SHISA9: variants seen among roughly 807,000 people sequenced by gnomAD.
The protein encoded by SHISA9 is protein shisa-9.
In SHISA9, 13 loss-of-function variants were observed where a neutral mutation model predicts 38.0. That is an observed-to-expected ratio of 0.34 (90% CI 0.22 to 0.54). The LOEUF is 0.54. Among genes scored for constraint, SHISA9 ranks in the 20% least tolerant of loss-of-function variants. SHISA9 has a pLI of 0.91. For missense variants in SHISA9, 538 were observed against 575.8 expected, an observed-to-expected ratio of 0.93 and a Z score of 0.67; for synonymous variants, 275 against 242.0, an observed-to-expected ratio of 1.14 and a Z score of -1.27.
the SHISA9 span, among the ~76,000 whole-genome samples, chr16:13,415,773 A>T: frequency 6.6e-6 from 1 of 151,124 alleles, no homozygotes; most frequent in Non-Finnish European, 1.5e-5. Context: ...AAATCTAAAG[A>T]TTTGATTTAA....
intron 2 of SHISA9, among the ~76,000 whole-genome samples, chr16:12,936,940 G>T (rs1380983541): frequency 1.3e-5 from 2 of 152,084 alleles, no homozygotes; most frequent in African/African-American, 2.4e-5. Flanking sequence ...GAGGGCGGTG[G>T]GGTTTGTGTA....
At chr16:13,409,528 G>A in the SHISA9 span, among the ~76,000 whole-genome samples, 1 of 152,222 alleles carries the variant, frequency 6.6e-6, no homozygotes, top group African/African-American at 2.4e-5. Context: ...GAGCAGTGGT[G>A]GTGACCCCAC....
chr16:12,984,122 G>T (rs745908137), intron 2 of SHISA9, among the ~76,000 whole-genome samples: 37 of 152,088 alleles, frequency 2.4e-4, no homozygotes, highest in Non-Finnish European at 5.9e-5. Flanking sequence ...CAGCCCAGGG[G>T]CCCCTGGCCT....
At chr16:13,525,260 T>C in the SHISA9 span, among the ~76,000 whole-genome samples, 1 of 152,162 alleles carries the variant, frequency 6.6e-6, no homozygotes, top group Admixed American at 6.5e-5. Context: ...CACATATTAT[T>C]AATCCTGGAA....
the SHISA9 span, among the ~76,000 whole-genome samples, chr16:13,291,976 C>T: frequency 6.6e-6 from 1 of 151,954 alleles, no homozygotes. Flanking sequence ...ATTGTATTCC[C>T]TTTCTTTGGA....
the SHISA9 span, among the ~76,000 whole-genome samples, chr16:13,302,268 A>G: frequency 1.3e-5 from 2 of 152,198 alleles, no homozygotes; most frequent in East Asian, 3.8e-4. Context: ...TTAGATAGTA[A>G]AGAAAGCCCA....
the SHISA9 span, among the ~76,000 whole-genome samples, chr16:13,261,294 T>C: frequency 2.7e-3 from 415 of 152,284 alleles, 1 homozygote; most frequent in Non-Finnish European, 4.8e-3. Context: ...AGTCAAGATC[T>C]GTAGGTTTAT....
chr16:13,463,709 T>C, the SHISA9 span, among the ~76,000 whole-genome samples: 4,516 of 152,262 alleles, frequency 0.03, 167 homozygotes, highest in East Asian at 0.21. Context: ...GCCCTCATGG[T>C]TGTGGCTGGG....
At chr16:13,051,420 G>A (rs533911557) in intron 2 of SHISA9, among the ~76,000 whole-genome samples, 5 of 152,290 alleles carry the variant, frequency 3.3e-5, no homozygotes, top group Non-Finnish European at 2.9e-5. Flanking sequence ...AATTCAAGGA[G>A]AGATTTGGAT....
chr16:12,966,434 T>C (rs1274437291), intron 2 of SHISA9, among the ~76,000 whole-genome samples: 1 of 152,194 alleles, frequency 6.6e-6, no homozygotes, highest in Non-Finnish European at 1.5e-5. Flanking sequence ...CTTTCTTTTT[T>C]TGTAGAGACA....
intron 1 of SHISA9, chr16:12,909,104 G>C: frequency 1.0e-6 from 1 of 988,448 alleles, no homozygotes; most frequent in Non-Finnish European, 1.2e-6. Context: ...GGCTGGAGAA[G>C]TCCATGTGTG....
the SHISA9 span, among the ~76,000 whole-genome samples, chr16:13,551,210 A>G: frequency 6.6e-6 from 1 of 152,160 alleles, no homozygotes. Flanking sequence ...ACACACACGT[A>G]CACACATACA....
At chr16:12,974,425 A>T (rs1244130350) in intron 2 of SHISA9, among the ~76,000 whole-genome samples, 3 of 151,878 alleles carry the variant, frequency 2.0e-5, no homozygotes, top group Non-Finnish European at 4.4e-5. Flanking sequence ...TCTAAAAATT[A>T]AGAATATGAC....
chr16:13,217,291 A>T lies in SHISA9; in HGVS notation c.895+3991A>T, dbSNP rs62027567. ...AGACTCCGTCTCAAAATAAATAAAT[A>T]AATAAATTAATTAATTAAAATAAAA... On this transcript the variant is annotated intron_variant, in intron 4 of 4. Coordinates refer to ENST00000558583, the MANE Select transcript of SHISA9 (RefSeq NM_001145204.3). Among the ~76,000 whole-genome samples, 1,348 of 152,024 alleles carry T rather than the reference A, an allele frequency of 8.9e-3. 11 individuals are homozygous for T. The highest frequency in any genetic ancestry group is 0.013 in the Non-Finnish European group (864 of 67,954).
intron 2 of SHISA9, among the ~76,000 whole-genome samples, chr16:13,198,959 C>T (rs1338519600): frequency 1.3e-5 from 2 of 152,158 alleles, no homozygotes; most frequent in African/African-American, 2.4e-5. Context: ...TGAGGTGTCT[C>T]AGGACTTGGG....
chr16:13,405,287 G>C, the SHISA9 span, among the ~76,000 whole-genome samples: 1 of 152,172 alleles, frequency 6.6e-6, no homozygotes, highest in Non-Finnish European at 1.5e-5. Flanking sequence ...ACCCCTTCAT[G>C]CCCTTAATTA....
intron 2 of SHISA9, among the ~76,000 whole-genome samples, chr16:13,007,330 G>A (rs1042313290): frequency 6.6e-6 from 1 of 152,112 alleles, no homozygotes; most frequent in African/African-American, 2.4e-5. Context: ...ACCGTAGGCT[G>A]CTCCCTCTTT....
At chr16:13,409,190 C>T in the SHISA9 span, among the ~76,000 whole-genome samples, 11 of 152,268 alleles carry the variant, frequency 7.2e-5, no homozygotes, top group African/African-American at 2.2e-4. Flanking sequence ...GATGGCCAAA[C>T]TCCAGGGGAA....
At position 13,235,583 on chromosome 16, in the gene SHISA9, C is replaced by A; in HGVS notation, c.*174C>A. 1.2e-6 allele frequency: 1 copy of A among 810,258 alleles called. No individual in the cohort carries two copies. The highest frequency in any genetic ancestry group is 1.9e-6 in the Non-Finnish European group (1 of 537,538). 50.2% of individuals were successfully genotyped at this position (810,258 alleles called of 1,614,324 possible). A position where few individuals can be genotyped will look rare whatever the true frequency, so the allele number is the denominator to read the frequency against. On this transcript the variant is annotated 3_prime_UTR_variant, in exon 5 of 5. Coordinates refer to ENST00000558583, the MANE Select transcript of SHISA9 (RefSeq NM_001145204.3). Reference sequence around the variant, plus strand: ...GAGTCGCGCTTTTCCTAGGTCATGCCTGTAACGTGTCGGCGGGCAGCTGAG... The same window carrying A: ...GAGTCGCGCTTTTCCTAGGTCATGCATGTAACGTGTCGGCGGGCAGCTGAG...
Sources: gnomAD v4.1 joint callset for allele counts (sites outside exome capture counted in the v4.1 genomes callset) on GRCh38, gnomAD v4.1.1 for gene constraint, MANE v1.5 for transcripts, NCBI Gene and HGNC (gene_info 2026-07-23, HGNC 2026-07-21) for gene names.